HMGCLL1: variants seen among roughly 807,000 people sequenced by gnomAD.
HMGCLL1 encodes the protein 3-hydroxymethyl-3-methylglutaryl-CoA lyase, cytoplasmic.
In HMGCLL1, 36 loss-of-function variants were observed where a neutral mutation model predicts 39.1. The ratio of observed to expected loss-of-function variants is 0.92; its 90% CI spans 0.71 to 1.22. The LOEUF (loss-of-function observed/expected upper bound fraction) is 1.22. Among genes scored for constraint, HMGCLL1 ranks in the 50% most tolerant of loss-of-function variants. HMGCLL1 has a pLI of 0.00. For synonymous variants in HMGCLL1, 149 were observed against 144.0 expected (o/e 1.03, Z -0.25); for missense variants, 451 against 416.5 (o/e 1.08, Z -0.72).
chr6:55,443,287 C>A (rs1763682203), intron 7 of HMGCLL1, among the ~76,000 whole-genome samples: 1 of 151,968 alleles, frequency 6.6e-6, no homozygotes. Context: ...AAAAAATACC[C>A]AAAAAAGTAT....
chr6:55,642,122 T>C, the HMGCLL1 span, among the ~76,000 whole-genome samples: 1 of 125,188 alleles, frequency 8.0e-6, no homozygotes, highest in Non-Finnish European at 1.6e-5. Context: ...TGTGATCTCA[T>C]TGTTCAATTC....
At chr6:55,522,679 T>C (rs1368473252) in intron 3 of HMGCLL1, among the ~76,000 whole-genome samples, 1 of 152,058 alleles carries the variant, frequency 6.6e-6, no homozygotes, top group Non-Finnish European at 1.5e-5. Flanking sequence ...ATACACTTTT[T>C]ATATGTAATT....
At chr6:55,438,314 A>T (rs1561880565) in intron 8 of HMGCLL1, among the ~76,000 whole-genome samples, 1 of 152,116 alleles carries the variant, frequency 6.6e-6, no homozygotes, top group Non-Finnish European at 1.5e-5. Context: ...CAGTCTTTCA[A>T]TAAATATTTA....
At chr6:55,617,098 T>C in the HMGCLL1 span, among the ~76,000 whole-genome samples, 1 of 152,176 alleles carries the variant, frequency 6.6e-6, no homozygotes, top group East Asian at 1.9e-4. Flanking sequence ...GTTACACAGG[T>C]AAATGTGTGC....
chr6:55,671,745 G>T, the HMGCLL1 span, among the ~76,000 whole-genome samples: 5 of 151,738 alleles, frequency 3.3e-5, no homozygotes, highest in African/African-American at 1.2e-4. Flanking sequence ...TGTATAAGCT[G>T]CTGAAATTTG....
intron 5 of HMGCLL1, 133 bp downstream of exon 5, chr6:55,513,915 C>T: frequency 1.3e-6 from 1 of 753,306 alleles, no homozygotes; most frequent in Non-Finnish European, 2.1e-6. Flanking sequence ...TAGTGATTAC[C>T]CTGATTAAAC....
chr6:55,547,075 G>A (rs1263529972), intron 1 of HMGCLL1, among the ~76,000 whole-genome samples: 2 of 152,010 alleles, frequency 1.3e-5, no homozygotes, highest in Non-Finnish European at 2.9e-5. Flanking sequence ...ACCTGAAAGA[G>A]ATTAAATGAC....
chr6:55,652,024 CTT>C, the HMGCLL1 span, among the ~76,000 whole-genome samples: 1 of 152,040 alleles, frequency 6.6e-6, no homozygotes. Context: ...CTCAATGACT[CTT>C]AGTGATATGA....
the HMGCLL1 span, among the ~76,000 whole-genome samples, chr6:55,618,137 T>G: frequency 3.3e-5 from 5 of 151,996 alleles, no homozygotes; most frequent in South Asian, 1.0e-3. Flanking sequence ...AGGAAGTAAT[T>G]ATAATAAAAA....
intron 3 of HMGCLL1, among the ~76,000 whole-genome samples, chr6:55,522,546 G>T (rs1368743010): frequency 3.3e-5 from 5 of 152,050 alleles, no homozygotes; most frequent in Non-Finnish European, 7.4e-5. Context: ...TTTTTGACAA[G>T]AGTTGACTCC....
chr6:55,462,291 C>T (rs142067595), intron 7 of HMGCLL1, among the ~76,000 whole-genome samples: 117 of 152,246 alleles, frequency 7.7e-4, no homozygotes, highest in African/African-American at 2.7e-3. Context: ...AAATTCTCAT[C>T]TTTATCTGTT....
chr6:55,528,932 A>G (rs1457395333), intron 3 of HMGCLL1, among the ~76,000 whole-genome samples: 1 of 152,094 alleles, frequency 6.6e-6, no homozygotes, highest in Non-Finnish European at 1.5e-5. Context: ...ACTAATGTCT[A>G]CAAGTATTCA....
At chr6:55,538,931 G>C (rs1244292706) in intron 3 of HMGCLL1, among the ~76,000 whole-genome samples, 1 of 152,038 alleles carries the variant, frequency 6.6e-6, no homozygotes, top group African/African-American at 2.4e-5. Flanking sequence ...TCTGTGAAAG[G>C]TGACATATTA....
At chr6:55,457,242 G>A (rs1040785371) in intron 7 of HMGCLL1, among the ~76,000 whole-genome samples, 3 of 152,166 alleles carry the variant, frequency 2.0e-5, no homozygotes, top group Non-Finnish European at 4.4e-5. Context: ...GAGATTCACT[G>A]TCTATCCTCT....
intron 7 of HMGCLL1, among the ~76,000 whole-genome samples, chr6:55,447,384 G>A (rs1763900771): frequency 1.3e-5 from 2 of 151,980 alleles, no homozygotes. Context: ...ATTATATATA[G>A]ATGCAAAGAG....
At chr6:55,635,546 T>G in the HMGCLL1 span, among the ~76,000 whole-genome samples, 1 of 152,212 alleles carries the variant, frequency 6.6e-6, no homozygotes, top group African/African-American at 2.4e-5. Flanking sequence ...TACAAATTAA[T>G]AAAGACTATA....
At chr6:55,463,080 G>A (rs542457718) in intron 7 of HMGCLL1, among the ~76,000 whole-genome samples, 55 of 149,620 alleles carry the variant, frequency 3.7e-4, no homozygotes, top group Non-Finnish European at 7.1e-4. Context: ...GCCCAGGCTG[G>A]AGTGCAGTAG....
At chr6:55,528,639 C>T (rs1320556805) in intron 3 of HMGCLL1, among the ~76,000 whole-genome samples, 1 of 89,046 alleles carries the variant, frequency 1.1e-5, no homozygotes, top group Non-Finnish European at 2.7e-5. Flanking sequence ...ATTGAACATC[C>T]AGTTTTTTTT....
At chr6:55,568,445 A>G (rs546695686) in intron 1 of HMGCLL1, among the ~76,000 whole-genome samples, 44 of 152,218 alleles carry the variant, frequency 2.9e-4, no homozygotes, top group Middle Eastern at 3.2e-3. Context: ...CTATAATCAC[A>G]GGAAGATAAT....
Sources: gnomAD v4.1 joint callset for allele counts (sites outside exome capture counted in the v4.1 genomes callset) on GRCh38, gnomAD v4.1.1 for gene constraint, MANE v1.5 for transcripts, NCBI Gene and HGNC (gene_info 2026-07-23, HGNC 2026-07-21) for gene names.